NR2F2: variants seen among roughly 807,000 people sequenced by gnomAD.
NR2F2 encodes the protein COUP transcription factor 2.
NR2F2 carries 2 observed loss-of-function variants against 34.8 expected under a neutral mutation model. The ratio of observed to expected loss-of-function variants is 0.06; its 90% CI spans 0.02 to 0.18. NR2F2 has a LOEUF of 0.18. Among genes scored for constraint, NR2F2 ranks in the 10% least tolerant of loss-of-function variants. The pLI, the probability that NR2F2 is intolerant of heterozygous loss-of-function variation, is 1.00. For missense variants in NR2F2, 300 were observed against 580.1 expected (o/e 0.52, Z 4.96); for synonymous variants, 274 against 251.8 (o/e 1.09, Z -0.84).
Position 96,337,631 on chromosome 15 carries a change from AATAAG to A in NR2F2, c.*11_*15del. ...ATATGGCAATTCAATAAATAAATAA[AATAAG>A]AAGGGGGAGTGAAACAGAGAAAGAA... is the stretch of plus-strand genomic sequence containing the variant. On this transcript the variant is annotated 3_prime_UTR_variant, in exon 3 of 3. Coordinates refer to ENST00000394166, the MANE Select transcript of NR2F2 (RefSeq NM_021005.4). The A allele has an allele frequency of 1.2e-6, 2 of 1,609,044 alleles. No homozygotes were observed. The highest frequency in any genetic ancestry group is 2.2e-5 in the South Asian group (2 of 90,578).
chr15:96,332,424 G>A lies in NR2F2; in HGVS notation c.319G>A (p.Val107Met). 1 of 1,614,208 alleles carries A rather than the reference G, an allele frequency of 6.2e-7. No individual in the cohort carries two copies. Among genetic ancestry groups the A allele is most frequent in the Non-Finnish European group, 8.5e-7 (1 of 1,180,040 alleles). ...CTGCAAGAGCTTCTTCAAGCGCAGC[G>A]TGCGGAGGAACCTGAGCTACACGTG... ...EGCKSFFKRS[V>M]RRNLSYTCRA... Residue 107 changes from valine to methionine, a missense_variant, in exon 1 of 3, where the codon GTG (valine) becomes ATG (methionine). Transcript: ENST00000394166.
At chr15:96,328,012 G>T (rs952153509), upstream of NR2F2, among the ~76,000 whole-genome samples, 1 of 152,112 alleles carries the variant, frequency 6.6e-6, no homozygotes, top group Non-Finnish European at 1.5e-5. Context: ...AACCTTAGAC[G>T]CACAGCAAGT....
At chr15:96,332,665 GA>G in intron 1 of NR2F2, 118 bp downstream of exon 1, 1 of 1,465,834 alleles carries the variant, frequency 6.8e-7, no homozygotes, top group Non-Finnish European at 9.0e-7. Flanking sequence ...TATTGCAGCG[GA>G]AAAGGGTTTT....
chr15:96,331,759 T>A lies in NR2F2; in HGVS notation c.-347T>A. ...CGACTTCAGCTCTCCCTCCCCTCCC[T>A]CTTTCTCCACGTTCTGCTCCCACTC... is the stretch of plus-strand genomic sequence containing the variant. On this transcript the variant is annotated 5_prime_UTR_variant, in exon 1 of 3. Coordinates refer to ENST00000394166, the MANE Select transcript of NR2F2 (RefSeq NM_021005.4). The A allele has an allele frequency of 1.8e-6, 2 of 1,119,318 alleles. No individual in the cohort carries two copies. The highest frequency in any genetic ancestry group is 2.2e-6 in the Non-Finnish European group (2 of 895,958). 69.3% of individuals were successfully genotyped at this position (1,119,318 alleles called of 1,614,324 possible).
intron 1 of NR2F2, chr15:96,333,722 A>C: frequency 8.2e-7 from 1 of 1,220,636 alleles, no homozygotes; most frequent in Non-Finnish European, 1.0e-6. Flanking sequence ...TCCAATCAAT[A>C]AGAAATATCA....
Position 96,331,445 on chromosome 15 carries a change from G to A in NR2F2, c.-661G>A, listed in dbSNP as rs923876285. On this transcript the variant is annotated 5_prime_UTR_variant, in exon 1 of 3. Transcript: ENST00000394166. ...CTCCCTGGGCGCGCCCGCACCCGGC[G>A]CCTCCGATCTCCTAGTCCTCCTGAT... The A allele has an allele frequency of 2.1e-4, 257 of 1,231,318 alleles. No homozygotes were observed. In the African/African-American group the frequency reaches 3.8e-3, roughly 18 times the overall value. The allele number at this position is 1,231,318 out of a possible 1,614,324, so 76.3% of individuals were successfully genotyped here.
At chr15:96,328,227 G>A (rs1056523729), upstream of NR2F2, among the ~76,000 whole-genome samples, 1 of 152,090 alleles carries the variant, frequency 6.6e-6, no homozygotes, top group Non-Finnish European at 1.5e-5. Context: ...GTGATCATTT[G>A]CCTAGCAGGC....
At position 96,332,119 on chromosome 15, in the gene NR2F2, T is replaced by C. The variant is rs1449090765; in HGVS notation, c.14T>C (p.Val5Ala). The change falls in exon 1 of 3, where the codon GTC (valine) becomes GCC (alanine). Residue 5 changes from valine (V) to alanine (A), a missense_variant. Coordinates refer to ENST00000394166, the MANE Select transcript of NR2F2 (RefSeq NM_021005.4). MAMV[V>A]STWRDPQDEV... is the part of the protein sequence containing the mutation. ...GCCCCCATAGATATGGCAATGGTAGTCAGCACGTGGCGCGACCCCCAGGAC... is the reference window on the plus strand; with the variant it reads ...GCCCCCATAGATATGGCAATGGTAGCCAGCACGTGGCGCGACCCCCAGGAC... 2 of 1,348,368 alleles carry C rather than the reference T, an allele frequency of 1.5e-6. No individual in the cohort carries two copies. Among genetic ancestry groups the C allele is most frequent in the Non-Finnish European group, 1.9e-6 (2 of 1,050,264 alleles). The allele number at this position is 1,348,368 out of a possible 1,614,324, so 83.5% of individuals were successfully genotyped here.
At chr15:96,336,103 T>C (rs1242293140) in intron 2 of NR2F2, among the ~76,000 whole-genome samples, 1 of 152,222 alleles carries the variant, frequency 6.6e-6, no homozygotes, top group Admixed American at 6.5e-5. Context: ...AGGTAGTCGT[T>C]AATTTCTTGG....
At chr15:96,330,296 T>C (rs1899093357), upstream of NR2F2, among the ~76,000 whole-genome samples, 1 of 152,030 alleles carries the variant, frequency 6.6e-6, no homozygotes, top group African/African-American at 2.4e-5. Flanking sequence ...AGACGTTGTG[T>C]GTGCGCGCTG....
At chr15:96,328,668 T>C (rs767813174), upstream of NR2F2, among the ~76,000 whole-genome samples, 6 of 152,240 alleles carry the variant, frequency 3.9e-5, no homozygotes, top group Non-Finnish European at 8.8e-5. Context: ...ATTGTGTCTC[T>C]AATTAACCTG....
chr15:96,327,697 G>A (rs1027878606), upstream of NR2F2, among the ~76,000 whole-genome samples: 4 of 152,202 alleles, frequency 2.6e-5, no homozygotes, highest in Admixed American at 6.5e-5. Context: ...CCTGGAGGAC[G>A]GAACTGGTTT....
At position 96,332,142 on chromosome 15, in the gene NR2F2, G is replaced by A. The variant is rs1899164965; in HGVS notation, c.37G>A (p.Asp13Asn). 2.9e-6 allele frequency: 4 copies of A among 1,357,962 alleles called. No homozygotes were observed. Among genetic ancestry groups the A allele is most frequent in the Non-Finnish European group, 3.8e-6 (4 of 1,055,200 alleles). 84.1% of individuals were successfully genotyped at this position (1,357,962 alleles called of 1,614,324 possible). A position where few individuals can be genotyped will look rare whatever the true frequency, so the allele number is the denominator to read the frequency against. The change falls in exon 1 of 3, where the codon GAC becomes AAC. Residue 13 changes from aspartate (D) to asparagine (N), a missense_variant. Asp to Asn is a conservative substitution (Grantham distance 23). Coordinates refer to ENST00000394166, the MANE Select transcript of NR2F2 (RefSeq NM_021005.4). ...MVVSTWRDPQ[D>N]EVPGSQGSQA... Reference sequence around the variant, plus strand: ...AGTCAGCACGTGGCGCGACCCCCAGGACGAGGTGCCCGGCTCACAGGGCAG... The same window carrying A: ...AGTCAGCACGTGGCGCGACCCCCAGAACGAGGTGCCCGGCTCACAGGGCAG...
chr15:96,327,915 T>A (rs2398259), upstream of NR2F2, among the ~76,000 whole-genome samples: 152,360 of 152,360 alleles, frequency 1, 76,180 homozygotes, highest in Non-Finnish European at 1. Flanking sequence ...CTTCTCATTA[T>A]AATAAATTTA....
Position 96,334,305 on chromosome 15 carries a change from C to A in NR2F2, c.672C>A (p.Val224=). ...CCGCGAGGATGCTCTTCAGCGCCGT[C>A]GAGTGGGCCCGGAACATCCCCTTCT... is the stretch of plus-strand genomic sequence containing the variant. ...ELAARMLFSA[V]EWARNIPFFP... Residue 224 remains valine (V), a synonymous_variant, in exon 2 of 3, where the codon GTC becomes GTA. Coordinates refer to ENST00000394166, the MANE Select transcript of NR2F2 (RefSeq NM_021005.4). 6.2e-7 allele frequency: 1 copy of A among 1,614,228 alleles called. No homozygotes were observed.
rs770799039 is a variant in NR2F2, at chr15:96,337,448, G to A, written c.1071G>A (p.Pro357=). ...EYVRSQYPNQ[P]TRFGKLLLRL... is the part of the protein sequence containing the mutation. The stretch of plus-strand genomic sequence containing the variant: ...TTAGGAGCCAGTACCCCAACCAGCC[G>A]ACGAGATTCGGAAAGCTTTTGCTTC... The change falls in exon 3 of 3, where the codon CCG becomes CCA. Residue 357 remains proline (P), a synonymous_variant. Coordinates refer to ENST00000394166, the MANE Select transcript of NR2F2 (RefSeq NM_021005.4). 11 of 1,613,936 alleles carry A rather than the reference G, an allele frequency of 6.8e-6. No homozygotes were observed. Among genetic ancestry groups the A allele is most frequent in the African/African-American group, 2.7e-5 (2 of 74,902 alleles).
At chr15:96,333,364 G>A (rs1596426540) in intron 1 of NR2F2, 6 of 1,001,912 alleles carry the variant, frequency 6.0e-6, no homozygotes, top group Non-Finnish European at 7.2e-6. Flanking sequence ...TAACAGCCTG[G>A]GCCCGAGCCT....
chr15:96,330,747 C>A lies in NR2F2; in HGVS notation c.-1359C>A. On this transcript the variant is annotated 5_prime_UTR_variant, in exon 1 of 3. Transcript: ENST00000394166. The stretch of plus-strand genomic sequence containing the variant: ...CGGCGCCTATAAATCGCATTCCCTC[C>A]CGCGCCCCCCTTTTTAGCATATTTG... 1 of 676,588 alleles carries A rather than the reference C, an allele frequency of 1.5e-6. No individual in the cohort carries two copies. The highest frequency in any genetic ancestry group is 1.9e-5 in the African/African-American group (1 of 51,968). The allele number at this position is 676,588 out of a possible 1,614,324, so 41.9% of individuals were successfully genotyped here. A position where few individuals can be genotyped will look rare whatever the true frequency, so the allele number is the denominator to read the frequency against.
rs143013583 is a variant in NR2F2 at position 96,334,509 on chromosome 15, A to C, written c.876A>C (p.Ile292=). 2 of 1,613,704 alleles carry C rather than the reference A, an allele frequency of 1.2e-6. No homozygotes were observed. The highest frequency in any genetic ancestry group is 2.7e-5 in the African/African-American group (2 of 74,934). The change falls in exon 2 of 3, where the codon ATA becomes ATC. Residue 292 remains isoleucine (I), a synonymous_variant. Transcript: ENST00000394166. ...GGGTGGTCGCCTTTATGGACCACAT[A>C]CGGATCTTCCAAGAGCAAGTGGAGA... ...ADRVVAFMDH[I]RIFQEQVEKL...
Sources: allele counts gnomAD v4.1 joint callset (sites outside exome capture counted in the v4.1 genomes callset), GRCh38; gene constraint gnomAD v4.1.1; transcripts MANE v1.5; gene names NCBI Gene and HGNC (gene_info 2026-07-23, HGNC 2026-07-21).